The following ATP6V0A2 variants were observed in gnomAD, a reference collection of about 807,000 sequenced individuals.
ATP6V0A2 encodes the protein ATPase H+ transporting V0 subunit a2, also known as V-type proton ATPase 116 kDa subunit a 2.
In ATP6V0A2, 58 loss-of-function variants were observed where a neutral mutation model predicts 104.4. The observed-to-expected ratio is 0.56, with a 90% CI of 0.45 to 0.69. The LOEUF (loss-of-function observed/expected upper bound fraction) is 0.69, where lower values mean the gene tolerates loss of function less well. ATP6V0A2 is among the 30% of genes least tolerant of loss of function. The probability of loss-of-function intolerance (pLI) is 0.00; values close to 1 mark genes in which losing one functional copy is unlikely to be tolerated. For missense variants in ATP6V0A2, 938 were observed against 1,062.9 expected, an observed-to-expected ratio of 0.88 and a Z score of 1.63; for synonymous variants, 376 against 397.9, an observed-to-expected ratio of 0.95 and a Z score of 0.65.
chr12:123,716,188 T>G (rs1956337393), intron 1 of ATP6V0A2, among the ~76,000 whole-genome samples: 1 of 151,900 alleles, frequency 6.6e-6, no homozygotes, highest in Non-Finnish European at 1.5e-5. Flanking sequence ...TGCCTCAGCC[T>G]CCTGAGCAGC....
At chr12:123,748,541 G>A (rs370803919) in intron 14 of ATP6V0A2, 34 bp from the exon 15 acceptor site, 97 of 1,504,636 alleles carry the variant, frequency 6.4e-5, no homozygotes, top group Middle Eastern at 3.4e-4. Flanking sequence ...GGCTGATCTT[G>A]TTCGTGGGTT....
chr12:123,729,640 TA>T (rs1263784775), intron 6 of ATP6V0A2, among the ~76,000 whole-genome samples: 1 of 152,200 alleles, frequency 6.6e-6, no homozygotes, highest in Non-Finnish European at 1.5e-5. Context: ...ACTGTTGTTT[TA>T]AATGAGGATG....
At chr12:123,741,725 A>G (rs901163965) in intron 9 of ATP6V0A2, among the ~76,000 whole-genome samples, 8 of 151,992 alleles carry the variant, frequency 5.3e-5, no homozygotes, top group Non-Finnish European at 1.2e-4. Flanking sequence ...CAGCCTCCCA[A>G]AGTGCTGGGA....
Position 123,712,547 on chromosome 12 carries a change from G to T in ATP6V0A2, c.-19G>T, listed in dbSNP as rs777049640. ...CCGCCGCCGCCCATCGAGCCCCTCC[G>T]GGCGCGGGTCGGCCCGCCATGGGGT... On this transcript the variant is annotated 5_prime_UTR_variant, in exon 1 of 20. Transcript: ENST00000330342. 1.3e-6 allele frequency: 2 copies of T among 1,557,292 alleles called. No homozygotes were observed. The highest frequency in any genetic ancestry group is 1.7e-6 in the Non-Finnish European group (2 of 1,155,216).
At chr12:123,730,067 T>C (rs1332990302) in intron 6 of ATP6V0A2, among the ~76,000 whole-genome samples, 27 of 136,818 alleles carry the variant, frequency 2.0e-4, no homozygotes, top group African/African-American at 6.9e-4. Context: ...TTTTTTTTTT[T>C]TTTTTGAGAC....
In ATP6V0A2 at chr12:123,743,686, AAAAAC is replaced by A. The variant is rs955095619; in HGVS notation, c.1039-98_1039-94del. ...AACAAAACAAAACAACACCACCAAAAAAAACCAAAAAACAAAGCAGTAACCCAGAT... is the reference window on the plus strand; with the variant it reads ...AACAAAACAAAACAACACCACCAAAACAAAAAACAAAGCAGTAACCCAGAT... On this transcript the variant is annotated intron_variant, in intron 9 of 19. Coordinates refer to ENST00000330342, the MANE Select transcript of ATP6V0A2 (RefSeq NM_012463.4). 4 of 1,461,564 alleles carry A rather than the reference AAAAAC, an allele frequency of 2.7e-6. No homozygotes were observed. The African/African-American group carries it at 5.6e-5, about 21-fold the overall frequency. The allele number at this position is 1,461,564 out of a possible 1,614,324, so 90.5% of individuals were successfully genotyped here.
At chr12:123,745,123 C>A in intron 13 of ATP6V0A2, 151 bp downstream of exon 13, 1 of 853,986 alleles carries the variant, frequency 1.2e-6, no homozygotes, top group South Asian at 1.4e-5. Context: ...GTCCCGGACA[C>A]TGGGAGGGGA....
At chr12:123,728,439 G>C (rs1956468900) in intron 6 of ATP6V0A2, among the ~76,000 whole-genome samples, 1 of 149,586 alleles carries the variant, frequency 6.7e-6, no homozygotes, top group African/African-American at 2.5e-5. Flanking sequence ...GTAGAGATGG[G>C]GATCTTAACT....
At position 123,712,665 on chromosome 12, in the gene ATP6V0A2, C is replaced by T. The variant is rs2135870984; in HGVS notation, c.100C>T (p.Leu34=). The change falls in exon 1 of 20, where the codon CTG becomes TTG. Residue 34 remains leucine (L), a synonymous_variant. Transcript: ENST00000330342. The stretch of plus-strand genomic sequence containing the variant: ...CCTCAGCGCCCTGGGCGAGAAAGGC[C>T]TGGTCCAGTTCCGAGACGTGAGTGT... ...ECLSALGEKG[L]VQFRDLNQNV... is the part of the protein sequence containing the mutation. The T allele has an allele frequency of 1.2e-6, 2 of 1,610,378 alleles. No individual in the cohort carries two copies. The highest frequency in any genetic ancestry group is 1.1e-5 in the South Asian group (1 of 90,580).
At chr12:123,738,729 G>C (rs948848074) in intron 9 of ATP6V0A2, among the ~76,000 whole-genome samples, 1 of 152,096 alleles carries the variant, frequency 6.6e-6, no homozygotes, top group African/African-American at 2.4e-5. Flanking sequence ...GTTCCTGTGA[G>C]GTTTTTCTTC....
At chr12:123,745,729 T>C (rs1438803033) in intron 13 of ATP6V0A2, among the ~76,000 whole-genome samples, 2 of 142,542 alleles carry the variant, frequency 1.4e-5, no homozygotes, top group African/African-American at 5.2e-5. Flanking sequence ...AAAAAGAAAA[T>C]GGAGAAGTAG....
chr12:123,715,888 AC>A (rs1956334284), intron 1 of ATP6V0A2, among the ~76,000 whole-genome samples: 1 of 152,168 alleles, frequency 6.6e-6, no homozygotes, highest in South Asian at 2.1e-4. Context: ...ATATTCTTTT[AC>A]AACTTTTTAA....
Position 123,712,610 on chromosome 12 carries a change from C to T in ATP6V0A2, c.45C>T (p.Leu15=). ...GCGAGACCATGTGCCTGGCGCAGCT[C>T]TTCCTGCAGTCGGGCACGGCCTACG... The part of the protein sequence containing the change: ...FRSETMCLAQ[L]FLQSGTAYEC... Residue 15 remains leucine (L), a synonymous_variant, in exon 1 of 20, where the codon CTC becomes CTT. Transcript: ENST00000330342. The T allele has an allele frequency of 2.5e-6, 4 of 1,605,282 alleles. 1 individual carries two copies. Among genetic ancestry groups the T allele is most frequent in the South Asian group, 2.2e-5 (2 of 89,742 alleles).
intron 1 of ATP6V0A2, among the ~76,000 whole-genome samples, chr12:123,717,173 G>A (rs1042670537): frequency 6.6e-6 from 1 of 151,824 alleles, no homozygotes; most frequent in Non-Finnish European, 1.5e-5. Flanking sequence ...AAATTAGCCG[G>A]GGGTGGTGGC....
rs376468660 is a variant in ATP6V0A2, at chr12:123,716,788, C to CA, written c.118-1820dup. Among the ~76,000 whole-genome samples the CA allele has an allele frequency of 4.0e-3, 507 of 127,814 alleles. 1 individual carries two copies. The highest frequency in any genetic ancestry group is 0.012 in the African/African-American group (408 of 35,040). The allele number at this position is 127,814 out of a possible 152,430, so 83.9% of individuals were successfully genotyped here. On this transcript the variant is annotated intron_variant, in intron 1 of 19. Coordinates refer to ENST00000330342, the MANE Select transcript of ATP6V0A2 (RefSeq NM_012463.4). ...CCTAGGCGACAGTGAGATCCTGTCT[C>CA]AAAAAAAAAAAAAAAGAGTTTATAG...
At chr12:123,734,606 G>T (rs777526835) in intron 7 of ATP6V0A2, among the ~76,000 whole-genome samples, 1 of 152,232 alleles carries the variant, frequency 6.6e-6, no homozygotes, top group Non-Finnish European at 1.5e-5. Flanking sequence ...GTAATTTTGA[G>T]TTGTGGTACA....
intron 16 of ATP6V0A2, among the ~76,000 whole-genome samples, chr12:123,751,835 T>G (rs1956717437): frequency 2.0e-5 from 3 of 150,968 alleles, no homozygotes; most frequent in African/African-American, 2.4e-5. Context: ...AAGATTTTCT[T>G]TTTTCTTTTC....
Position 123,712,687 on chromosome 12 carries a change from G to A in ATP6V0A2, c.117+5G>A. 1 of 1,607,800 alleles carries A rather than the reference G, an allele frequency of 6.2e-7. No individual in the cohort carries two copies. Among genetic ancestry groups the A allele is most frequent in the Non-Finnish European group, 8.5e-7 (1 of 1,177,274 alleles). On this transcript the variant is annotated splice_donor_5th_base_variant and intron_variant, in intron 1 of 19. Transcript: ENST00000330342. The stretch of plus-strand genomic sequence containing the variant: ...GGCCTGGTCCAGTTCCGAGACGTGA[G>A]TGTCGCCCGGGAGACGCGGGCCGCA...
chr12:123,726,682 C>G (rs928278892), intron 5 of ATP6V0A2, among the ~76,000 whole-genome samples: 1 of 152,156 alleles, frequency 6.6e-6, no homozygotes, highest in Non-Finnish European at 1.5e-5. Flanking sequence ...TTCTTGCTGC[C>G]TACTGAAACT....
Sources: gnomAD v4.1 joint callset for allele counts (sites outside exome capture counted in the v4.1 genomes callset) on GRCh38, gnomAD v4.1.1 for gene constraint, MANE v1.5 for transcripts, NCBI Gene and HGNC (gene_info 2026-07-23, HGNC 2026-07-21) for gene names.